PATJ: variants seen among roughly 807,000 people sequenced by gnomAD.
The protein encoded by PATJ is PATJ crumbs cell polarity complex component, also known as inaD-like protein.
Under a neutral mutation model 224.9 loss-of-function variants are expected in PATJ, and 190 were observed. The ratio of observed to expected loss-of-function variants is 0.84; its 90% CI spans 0.75 to 0.95. The LOEUF (loss-of-function observed/expected upper bound fraction) is 0.95. Ranked by LOEUF, PATJ falls within the 40% of genes least tolerant of loss-of-function variation. The pLI is 0.00. For missense variants in PATJ, 2,121 were observed against 2,270.3 expected (o/e 0.93, Z 1.34); for synonymous variants, 769 against 820.3 (o/e 0.94, Z 1.07).
chr1:61,807,338 G>A (rs973091048), intron 13 of PATJ, among the ~76,000 whole-genome samples: 3 of 151,884 alleles, frequency 2.0e-5, no homozygotes, highest in East Asian at 1.9e-4. Context: ...CACCACGCTC[G>A]CTTAATTTTT....
chr1:61,884,501 A>C, intron 22 of PATJ, 93 bp downstream of exon 22: 1 of 866,514 alleles, frequency 1.2e-6, no homozygotes, highest in Admixed American at 2.9e-5. Flanking sequence ...TTTTGGTAGA[A>C]CGTTTGGAAA....
At chr1:61,794,835 A>G (rs1472391265) in intron 9 of PATJ, among the ~76,000 whole-genome samples, 4 of 151,942 alleles carry the variant, frequency 2.6e-5, no homozygotes, top group African/African-American at 9.7e-5. Flanking sequence ...TAAAATTACG[A>G]AAGTTATCTG....
chr1:61,871,459 A>ATATATATGTGTATACATATATATGCG (rs1666483011), intron 20 of PATJ, among the ~76,000 whole-genome samples: 2 of 56,002 alleles, frequency 3.6e-5, no homozygotes, highest in South Asian at 5.3e-4. Flanking sequence ...ATATATGCGT[A>ATATATATGTGTATACATATATATGCG]TATATATGTA....
At chr1:61,774,119 CA>C (rs35357345) in intron 6 of PATJ, among the ~76,000 whole-genome samples, 370 of 68,830 alleles carry the variant, frequency 5.4e-3, no homozygotes, top group African/African-American at 0.011. Flanking sequence ...GACTCCATCT[CA>C]AAAAAAAAAA....
rs370070680 is a variant in PATJ, at chr1:61,797,391, C to T, written c.1365C>T (p.Ser455=). Residue 455 remains serine (S), a synonymous_variant, in exon 11 of 44, where the codon TCC becomes TCT. Transcript: ENST00000642238. ...TAACCCTAGTTCGAAGGAAGACATC[C>T]TCATCTACTTCTCCACTTGAACCAC... The part of the protein sequence containing the change: ...VHLTLVRRKT[S]SSTSPLEPPS... The T allele has an allele frequency of 2.1e-5, 34 of 1,613,640 alleles. No homozygotes were observed. The highest frequency in any genetic ancestry group is 2.7e-5 in the African/African-American group (2 of 74,910).
At position 62,072,402 on chromosome 1, in the gene PATJ, C is replaced by T. The variant is rs558263686; in HGVS notation, c.4126-7048C>T. 5.9e-5 allele frequency: 9 copies of T among 151,756 alleles called. No individual in the cohort carries two copies. In the East Asian group the frequency reaches 1.2e-3, roughly 20 times the overall value. 9.4% of individuals were successfully genotyped at this position (151,756 alleles called of 1,614,324 possible). A position where few individuals can be genotyped will look rare whatever the true frequency, so the allele number is the denominator to read the frequency against. ...TAGTTTTATAGGGATATTAGTGTAA[C>T]GAAAAAGAAAAAACTCTGGCTGGAA... is the stretch of plus-strand genomic sequence containing the variant. On this transcript the variant is annotated intron_variant, in intron 31 of 43. Transcript: ENST00000642238.
At chr1:61,986,032 T>A (rs1644738780) in intron 27 of PATJ, among the ~76,000 whole-genome samples, 1 of 151,962 alleles carries the variant, frequency 6.6e-6, no homozygotes. Flanking sequence ...ACATAAGAAA[T>A]CTGGGTTCAT....
rs1305843880 is a variant in PATJ at position 62,086,119 on chromosome 1, G to T, written c.4377+1471G>T. On this transcript the variant is annotated intron_variant, in intron 33 of 43. Coordinates refer to ENST00000642238, the MANE Select transcript of PATJ (RefSeq NM_001350145.3). This position sits in a 1 kb window ranked among gnomAD's most constrained non-coding sequence, Gnocchi z 4.0. ...ATGAGCCACTGTGCCTGGCCAGGAT[G>T]ATTGATTTTTCATTATTCAATACCT... Among the ~76,000 whole-genome samples the T allele has an allele frequency of 1.3e-5, 2 of 151,996 alleles. No individual in the cohort carries two copies. The highest frequency in any genetic ancestry group is 4.8e-5 in the African/African-American group (2 of 41,354).
chr1:61,923,411 T>G (rs895303456), intron 26 of PATJ, among the ~76,000 whole-genome samples: 1 of 152,194 alleles, frequency 6.6e-6, no homozygotes, highest in African/African-American at 2.4e-5. Context: ...CCCAGCATGC[T>G]TTGGGAGCGT....
chr1:61,970,634 A>C (rs1682837495), intron 27 of PATJ, among the ~76,000 whole-genome samples: 1 of 152,158 alleles, frequency 6.6e-6, no homozygotes, highest in Non-Finnish European at 1.5e-5. Flanking sequence ...CTAGGATTGC[A>C]GGCATGTGCC....
At chr1:61,996,199 CAT>C (rs796784199) in intron 28 of PATJ, among the ~76,000 whole-genome samples, 34 of 152,252 alleles carry the variant, frequency 2.2e-4, no homozygotes, top group African/African-American at 8.2e-4. Context: ...GGGATAAAGA[CAT>C]AGAGCTACAG....
At chr1:62,027,628 CTTTTTTTTTTTT>C (rs57019359) in intron 29 of PATJ, among the ~76,000 whole-genome samples, 63 of 109,846 alleles carry the variant, frequency 5.7e-4, no homozygotes, top group African/African-American at 2.2e-3. Flanking sequence ...GCCAACATTC[CTTTTTTTTTTTT>C]TTTTTTTTTT....
chr1:62,013,330 T>A (rs1459021780), intron 28 of PATJ: 1 of 985,314 alleles, frequency 1.0e-6, no homozygotes, highest in Non-Finnish European at 1.2e-6. Context: ...AACCATTTTT[T>A]TTTTAACCTT....
chr1:61,908,311 A>G, intron 24 of PATJ, 61 bp from the exon 25 acceptor site: 1 of 1,115,964 alleles, frequency 9.0e-7, no homozygotes, highest in Non-Finnish European at 1.4e-6. Flanking sequence ...TGAACTTTGA[A>G]TTAACCTGTC....
At chr1:62,156,998 A>G (rs1246098894) in intron 43 of PATJ, among the ~76,000 whole-genome samples, 2 of 151,822 alleles carry the variant, frequency 1.3e-5, no homozygotes, top group Admixed American at 6.6e-5. Context: ...TGTGGGGGAA[A>G]TGTGTAACTC....
chr1:61,824,168 G>A (rs192203159), intron 15 of PATJ, among the ~76,000 whole-genome samples: 6 of 151,940 alleles, frequency 3.9e-5, no homozygotes, highest in Admixed American at 2.0e-4. Flanking sequence ...TAGTTATTAC[G>A]TATTGAGAAA....
At chr1:61,966,686 CAA>C (rs200855600) in intron 27 of PATJ, among the ~76,000 whole-genome samples, 28 of 86,358 alleles carry the variant, frequency 3.2e-4, no homozygotes, top group African/African-American at 4.0e-4. Context: ...GACTTCATCT[CAA>C]AAAAAAAAAA....
intron 39 of PATJ, among the ~76,000 whole-genome samples, chr1:62,126,799 G>A (rs769486552): frequency 1.7e-4 from 26 of 152,102 alleles, no homozygotes; most frequent in Non-Finnish European, 5.9e-5. Flanking sequence ...AGTCTGCATC[G>A]GAATTGGCCA....
intron 23 of PATJ, among the ~76,000 whole-genome samples, 190 bp from the exon 24 acceptor site, chr1:61,901,092 A>G (rs910155920): frequency 6.6e-6 from 1 of 152,234 alleles, no homozygotes; most frequent in African/African-American, 2.4e-5. Flanking sequence ...TCAGAACTAA[A>G]ACTTTCATTT....
Sources: gnomAD v4.1 joint callset for allele counts (sites outside exome capture counted in the v4.1 genomes callset) on GRCh38, gnomAD v4.1.1 for gene constraint, Gnocchi (gnomAD v3.1) non-coding constraint, MANE v1.5 for transcripts, NCBI Gene and HGNC (gene_info 2026-07-23, HGNC 2026-07-21) for gene names.